The following RORA variants were observed in gnomAD, a reference collection of about 807,000 sequenced individuals.
RORA encodes the protein RAR related orphan receptor A.
A neutral mutation model predicts 69.5 loss-of-function variants in RORA; 7 were observed. That is an observed-to-expected ratio of 0.10 (90% confidence interval 0.06 to 0.19). The LOEUF (loss-of-function observed/expected upper bound fraction) is 0.19, where lower values mean the gene tolerates loss of function less well. Among genes scored for constraint, RORA ranks in the 10% least tolerant of loss-of-function variants. The pLI, the probability that RORA is intolerant of heterozygous loss-of-function variation, is 1.00. For synonymous variants in RORA, 261 were observed against 240.8 expected (o/e 1.08, Z -0.78); for missense variants, 457 against 663.0 (o/e 0.69, Z 3.41).
intron 1 of RORA, among the ~76,000 whole-genome samples, chr15:60,940,320 T>C (rs1892654786): frequency 6.6e-6 from 1 of 152,236 alleles, no homozygotes; most frequent in Non-Finnish European, 1.5e-5. Flanking sequence ...GATGGAATAC[T>C]ATTCCAGTAA....
At chr15:61,211,079 T>C (rs780732467) in intron 1 of RORA, among the ~76,000 whole-genome samples, 8 of 152,164 alleles carry the variant, frequency 5.3e-5, no homozygotes, top group Admixed American at 1.3e-4. Context: ...GGGTTTAGAA[T>C]GATTTCTGTT....
At chr15:60,665,467 G>T (rs1021634892) in intron 2 of RORA, among the ~76,000 whole-genome samples, 1 of 152,116 alleles carries the variant, frequency 6.6e-6, no homozygotes, top group Non-Finnish European at 1.5e-5. Context: ...AGAAAGATAG[G>T]CAAGTATTTT....
intron 1 of RORA, among the ~76,000 whole-genome samples, chr15:60,833,688 T>C (rs1364649502): frequency 1.3e-5 from 2 of 152,238 alleles, no homozygotes; most frequent in African/African-American, 4.8e-5. Flanking sequence ...AACACCTCTA[T>C]GAATTTGGCA....
At chr15:60,990,268 A>C (rs1894332828) in intron 1 of RORA, among the ~76,000 whole-genome samples, 1 of 152,212 alleles carries the variant, frequency 6.6e-6, no homozygotes, top group Non-Finnish European at 1.5e-5. Context: ...TAAAAGTGTT[A>C]GGATATTTTG....
At chr15:61,058,846 A>G (rs561429785) in intron 1 of RORA, among the ~76,000 whole-genome samples, 70 of 152,344 alleles carry the variant, frequency 4.6e-4, no homozygotes, top group African/African-American at 1.7e-3. Flanking sequence ...TTAAGCATCC[A>G]AAGCCCAACG....
chr15:60,828,794 C>G (rs12439995), intron 1 of RORA, among the ~76,000 whole-genome samples: 34,847 of 152,112 alleles, frequency 0.23, 4,536 homozygotes, highest in African/African-American at 0.34. Context: ...TTGATTCTCT[C>G]TCATGATCAG....
intron 1 of RORA, among the ~76,000 whole-genome samples, chr15:61,088,355 T>C (rs1595971118): frequency 2.0e-5 from 3 of 152,234 alleles, no homozygotes; most frequent in East Asian, 3.9e-4. Flanking sequence ...TGCCTCTAAG[T>C]GTGTGTGCAT....
intron 1 of RORA, among the ~76,000 whole-genome samples, chr15:60,843,534 C>T (rs557164839): frequency 3.3e-5 from 5 of 152,188 alleles, no homozygotes; most frequent in Non-Finnish European, 7.3e-5. Flanking sequence ...TCTTGTTACA[C>T]GTGTCATGGT....
At chr15:60,669,220 G>A (rs1430214341) in intron 2 of RORA, among the ~76,000 whole-genome samples, 1 of 152,120 alleles carries the variant, frequency 6.6e-6, no homozygotes, top group African/African-American at 2.4e-5. Context: ...TGGCAAGAAC[G>A]GGTCTTACAA....
intron 1 of RORA, among the ~76,000 whole-genome samples, chr15:60,791,409 G>A (rs923204564): frequency 1.3e-5 from 2 of 152,212 alleles, no homozygotes; most frequent in Non-Finnish European, 2.9e-5. Context: ...GCAATGGAAT[G>A]CAGTCAAAAG....
chr15:61,024,004 G>A (rs1306020897), intron 1 of RORA, among the ~76,000 whole-genome samples: 4 of 150,592 alleles, frequency 2.7e-5, no homozygotes, highest in African/African-American at 7.3e-5. Context: ...AGAGTCTATG[G>A]AAACAAAAAA....
In RORA at chr15:60,495,516, C is replaced by T. The variant is rs2065146083; in HGVS notation, c.*1939G>A. On this transcript the variant is annotated 3_prime_UTR_variant, in exon 11 of 11. Transcript: ENST00000335670. Reference sequence around the variant, plus strand: ...CCCTCAAGAAACAAGTCAGAAAAGTCAGTGGAGTTAGAAACAGAGTGAAGT... The same window carrying T: ...CCCTCAAGAAACAAGTCAGAAAAGTTAGTGGAGTTAGAAACAGAGTGAAGT... 1.3e-5 allele frequency: 2 copies of T among 152,204 alleles called. No homozygotes were observed. The highest frequency in any genetic ancestry group is 2.1e-4 in the South Asian group (1 of 4,834). 9.4% of individuals were successfully genotyped at this position (152,204 alleles called of 1,614,324 possible).
chr15:60,871,349 A>C (rs1455912292), intron 1 of RORA, among the ~76,000 whole-genome samples: 3 of 152,238 alleles, frequency 2.0e-5, no homozygotes, highest in Non-Finnish European at 4.4e-5. Context: ...CTACAAGCTT[A>C]AGGTACACCA....
At chr15:60,547,384 C>T (rs921372278) in intron 2 of RORA, among the ~76,000 whole-genome samples, 2 of 149,544 alleles carry the variant, frequency 1.3e-5, no homozygotes, top group Non-Finnish European at 3.0e-5. Flanking sequence ...AGTGCAGCGG[C>T]GTGATCTCGG....
At chr15:60,929,671 A>T (rs1342186281) in intron 1 of RORA, among the ~76,000 whole-genome samples, 1 of 152,218 alleles carries the variant, frequency 6.6e-6, no homozygotes, top group East Asian at 1.9e-4. Context: ...GCTACAAGAC[A>T]TCTGATATGC....
intron 5 of RORA, among the ~76,000 whole-genome samples, chr15:60,510,850 C>T (rs1358143291): frequency 1.3e-5 from 2 of 151,910 alleles, no homozygotes; most frequent in African/African-American, 4.8e-5. Flanking sequence ...TGTCTGTGGG[C>T]CAAGTTCAGT....
chr15:60,520,923 G>A (rs1238022711), intron 3 of RORA, among the ~76,000 whole-genome samples: 1 of 152,184 alleles, frequency 6.6e-6, no homozygotes, highest in Non-Finnish European at 1.5e-5. Flanking sequence ...ATACATTTCA[G>A]GTAGTATACG....
intron 1 of RORA, among the ~76,000 whole-genome samples, chr15:61,129,823 C>T (rs544369512): frequency 6.6e-6 from 1 of 152,172 alleles, no homozygotes; most frequent in Admixed American, 6.5e-5. Flanking sequence ...GAAAGAGATG[C>T]AGAACTGGGA....
chr15:60,802,640 G>A (rs1485821009), intron 1 of RORA, among the ~76,000 whole-genome samples: 1 of 152,164 alleles, frequency 6.6e-6, no homozygotes, highest in Non-Finnish European at 1.5e-5. Flanking sequence ...ATGTGTGTAT[G>A]TGCATGTCAC....
Sources: gnomAD v4.1 joint callset for allele counts (sites outside exome capture counted in the v4.1 genomes callset) on GRCh38, gnomAD v4.1.1 for gene constraint, MANE v1.5 for transcripts, NCBI Gene and HGNC (gene_info 2026-07-23, HGNC 2026-07-21) for gene names.